The following EZH2 variants were observed in gnomAD, a reference collection of about 807,000 sequenced individuals.
EZH2 encodes the protein enhancer of zeste 2 polycomb repressive complex 2 subunit, also known as histone-lysine N-methyltransferase EZH2.
Under a neutral mutation model 98.4 loss-of-function variants are expected in EZH2, and 18 were observed. The observed-to-expected ratio is 0.18, with a 90% CI of 0.13 to 0.27. EZH2 has a LOEUF of 0.27. Ranked by LOEUF, EZH2 falls within the 10% of genes least tolerant of loss-of-function variation. The probability of loss-of-function intolerance (pLI) is 1.00; values close to 1 mark genes in which losing one functional copy is unlikely to be tolerated. For synonymous variants in EZH2, 338 were observed against 312.3 expected (o/e 1.08, Z -0.87); for missense variants, 470 against 935.1 (o/e 0.50, Z 6.49).
chr7:148,884,180 G>T lies in EZH2; in HGVS notation c.-24C>A. ...GCGCGTTACCTTCGTCCCGCGCGCCGACTCGCGTTGTTCCCGCGCGTCGCC... is the reference window on the plus strand; with the variant it reads ...GCGCGTTACCTTCGTCCCGCGCGCCTACTCGCGTTGTTCCCGCGCGTCGCC... On this transcript the variant is annotated 5_prime_UTR_variant, in exon 1 of 20. Transcript: ENST00000320356. The T allele has an allele frequency of 1.2e-5, 2 of 163,040 alleles. No homozygotes were observed. The highest frequency in any genetic ancestry group is 3.5e-4 in the South Asian group (2 of 5,684). The allele number at this position is 163,040 out of a possible 1,614,324, so 10.1% of individuals were successfully genotyped here.
At chr7:148,808,475 CTGACTTAAA>C (rs1393838758) in intron 19 of EZH2, among the ~76,000 whole-genome samples, 1 of 152,222 alleles carries the variant, frequency 6.6e-6, no homozygotes. Context: ...TATTCAATGG[CTGACTTAAA>C]TGTATCCCAC....
At position 148,814,076 on chromosome 7, in the gene EZH2, G is replaced by A. The variant is rs2129469823; in HGVS notation, c.1734C>T (p.Cys578=). The A allele has an allele frequency of 1.2e-6, 2 of 1,614,180 alleles. No individual in the cohort carries two copies. Among genetic ancestry groups the A allele is most frequent in the East Asian group, 4.5e-5 (2 of 44,892 alleles). ...KAQCNTKQCP[C]YLAVRECDPD... ...GGTCACACTCTCGGACAGCCAGGTAGCACGGGCACTGCTTGGTGTTGCACT... is the reference window on the plus strand; with the variant it reads ...GGTCACACTCTCGGACAGCCAGGTAACACGGGCACTGCTTGGTGTTGCACT... The change falls in exon 15 of 20, where the codon TGC becomes TGT. Residue 578 remains cysteine (C), a synonymous_variant. Transcript: ENST00000320356.
At chr7:148,816,924 C>T in intron 11 of EZH2, 146 bp from the exon 12 acceptor site, 1 of 643,020 alleles carries the variant, frequency 1.6e-6, no homozygotes, top group Admixed American at 2.5e-5. Flanking sequence ...TGTCCCTACC[C>T]TCACATTAGG....
At chr7:148,869,409 A>G (rs1405745219) in intron 1 of EZH2, among the ~76,000 whole-genome samples, 1 of 144,170 alleles carries the variant, frequency 6.9e-6, no homozygotes, top group African/African-American at 2.6e-5. Flanking sequence ...GCAGGGGTGC[A>G]AACACGGCTC....
intron 8 of EZH2, among the ~76,000 whole-genome samples, chr7:148,825,407 C>A (rs532614733): frequency 6.6e-6 from 1 of 152,306 alleles, no homozygotes. Context: ...AAATCTACTT[C>A]AAGTTTTTCT....
intron 1 of EZH2, among the ~76,000 whole-genome samples, chr7:148,866,875 C>A (rs982040309): frequency 6.7e-6 from 1 of 149,446 alleles, no homozygotes; most frequent in Non-Finnish European, 1.5e-5. Context: ...TCAACGCACC[C>A]GGCTAATTTT....
At chr7:148,864,631 G>C (rs1225083379) in intron 1 of EZH2, among the ~76,000 whole-genome samples, 1 of 144,978 alleles carries the variant, frequency 6.9e-6, no homozygotes, top group African/African-American at 2.6e-5. Context: ...GCTGCAGTGA[G>C]CCAAGATTGT....
chr7:148,867,438 T>G (rs892985388), intron 1 of EZH2, among the ~76,000 whole-genome samples: 1 of 152,222 alleles, frequency 6.6e-6, no homozygotes, highest in African/African-American at 2.4e-5. Context: ...CATCTGTTGA[T>G]TACTATAACA....
chr7:148,883,729 C>T (rs1296568358), intron 1 of EZH2, among the ~76,000 whole-genome samples: 1 of 151,854 alleles, frequency 6.6e-6, no homozygotes, highest in Non-Finnish European at 1.5e-5. Context: ...CGGCTGGGTC[C>T]CACCAACTTG....
At chr7:148,861,786 C>T (rs982225622) in intron 1 of EZH2, among the ~76,000 whole-genome samples, 1 of 136,438 alleles carries the variant, frequency 7.3e-6, no homozygotes, top group Non-Finnish European at 1.5e-5. Flanking sequence ...GCCTGAGCAA[C>T]ATAGCCTTCT....
At chr7:148,827,783 A>G (rs1262198836) in intron 6 of EZH2, among the ~76,000 whole-genome samples, 3 of 152,220 alleles carry the variant, frequency 2.0e-5, no homozygotes, top group Non-Finnish European at 4.4e-5. Context: ...GTAATCTTAT[A>G]AGTTACTTAA....
At chr7:148,872,814 T>A (rs1563072491) in intron 1 of EZH2, among the ~76,000 whole-genome samples, 1 of 152,190 alleles carries the variant, frequency 6.6e-6, no homozygotes, top group African/African-American at 2.4e-5. Flanking sequence ...GATAAAGCAG[T>A]CATGACATAC....
At chr7:148,835,632 C>G (rs1810706314) in intron 3 of EZH2, among the ~76,000 whole-genome samples, 1 of 151,610 alleles carries the variant, frequency 6.6e-6, no homozygotes, top group South Asian at 2.1e-4. Context: ...AAGTACAAAA[C>G]AATTTTCATT....
intron 3 of EZH2, 73 bp downstream of exon 3, chr7:148,846,397 T>A: frequency 6.5e-7 from 1 of 1,531,096 alleles, no homozygotes; most frequent in Non-Finnish European, 8.9e-7. Flanking sequence ...TTCCTCCCAA[T>A]AACCAAACAA....
intron 1 of EZH2, among the ~76,000 whole-genome samples, chr7:148,877,166 C>A (rs1820285016): frequency 6.6e-6 from 1 of 151,972 alleles, no homozygotes; most frequent in Non-Finnish European, 1.5e-5. Context: ...AATACATATT[C>A]ATATATGAAT....
chr7:148,814,200 C>T (rs569749016), intron 14 of EZH2, 63 bp from the exon 15 acceptor site: 8 of 1,504,394 alleles, frequency 5.3e-6, no homozygotes, highest in Admixed American at 3.5e-5. Context: ...CAGAAAGATA[C>T]GTGGCAAGGG....
chr7:148,842,375 C>T (rs1159105923), intron 3 of EZH2, among the ~76,000 whole-genome samples: 1 of 152,108 alleles, frequency 6.6e-6, no homozygotes, highest in Non-Finnish European at 1.5e-5. Context: ...AACTCTTAAA[C>T]CAGTTTCTTC....
chr7:148,829,875 G>C (rs1374974829), intron 4 of EZH2, 27 bp from the exon 5 acceptor site: 1 of 1,509,292 alleles, frequency 6.6e-7, no homozygotes, highest in Non-Finnish European at 9.0e-7. Context: ...TATTTAAAAA[G>C]CAGGTTTACT....
At chr7:148,813,938 C>G (rs780291696) in intron 15 of EZH2, 21 bp downstream of exon 15, 1 of 1,603,420 alleles carries the variant, frequency 6.2e-7, no homozygotes, top group Admixed American at 1.7e-5. Flanking sequence ...AACAATCTTC[C>G]AGAAGTGACT....
Sources: allele counts gnomAD v4.1 joint callset (sites outside exome capture counted in the v4.1 genomes callset), GRCh38; gene constraint gnomAD v4.1.1; transcripts MANE v1.5; gene names NCBI Gene and HGNC (gene_info 2026-07-23, HGNC 2026-07-21).